KCNIP1: variants seen among roughly 807,000 people sequenced by gnomAD.
KCNIP1 encodes potassium voltage-gated channel interacting protein 1, also known as A-type potassium channel modulatory protein KCNIP1.
In KCNIP1, 18 loss-of-function variants were observed where a neutral mutation model predicts 33.0. That is an observed-to-expected ratio of 0.55 (90% CI 0.38 to 0.81). KCNIP1 has a LOEUF of 0.81. Among genes scored for constraint, KCNIP1 ranks in the 30% least tolerant of loss-of-function variants. KCNIP1 has a pLI of 0.00. For missense variants in KCNIP1, 238 were observed against 271.6 expected (o/e 0.88, Z 0.87); for synonymous variants, 93 against 98.3 (o/e 0.95, Z 0.32).
chr5:170,731,693 C>CAAAAAAA (rs1162447420), intron 5 of KCNIP1, among the ~76,000 whole-genome samples: 2 of 96,776 alleles, frequency 2.1e-5, no homozygotes, highest in Non-Finnish European at 2.1e-5. Flanking sequence ...GAACCTGTCT[C>CAAAAAAA]AAAAAAAAAA....
At chr5:170,356,503 T>G (rs1763352092) in intron 1 of KCNIP1, among the ~76,000 whole-genome samples, 1 of 152,166 alleles carries the variant, frequency 6.6e-6, no homozygotes, top group African/African-American at 2.4e-5. Flanking sequence ...TAGCCCAGAT[T>G]TCTCATCAGC....
At chr5:170,674,897 C>T (rs1323689694) in intron 1 of KCNIP1, among the ~76,000 whole-genome samples, 1 of 152,102 alleles carries the variant, frequency 6.6e-6, no homozygotes, top group Non-Finnish European at 1.5e-5. Context: ...CAAGGTGCTG[C>T]TTAAAGCACA....
At chr5:170,502,974 G>C (rs1023652315), upstream of KCNIP1, among the ~76,000 whole-genome samples, 2 of 152,180 alleles carry the variant, frequency 1.3e-5, no homozygotes, top group Admixed American at 1.3e-4. Context: ...AAGGGAAATG[G>C]CTTCCTAAAT....
chr5:170,445,302 TTGAA>T (rs58668795), intron 1 of KCNIP1, among the ~76,000 whole-genome samples: 1 of 151,782 alleles, frequency 6.6e-6, no homozygotes, highest in Non-Finnish European at 1.5e-5. Context: ...TGCTCATTCG[TTGAA>T]TGAATGAATG....
In KCNIP1 at chr5:170,554,392, G is replaced by A. The variant is rs1408446029; in HGVS notation, c.61+49759G>A. Among the ~76,000 whole-genome samples, 8 of 152,186 alleles carry A rather than the reference G, an allele frequency of 5.3e-5. No homozygotes were observed. In the East Asian group the frequency reaches 1.5e-3, roughly 29 times the overall value. On this transcript the variant is annotated intron_variant, in intron 1 of 7. Coordinates refer to ENST00000328939, the MANE Select transcript of KCNIP1 (RefSeq NM_014592.4). ...GTTTATTTTCTGGTTGTCACTCCAG[G>A]ATTTTAGTTAAGTCTTGTCTAACAT...
At chr5:170,537,205 C>T (rs559089346) in intron 1 of KCNIP1, among the ~76,000 whole-genome samples, 1 of 152,314 alleles carries the variant, frequency 6.6e-6, no homozygotes, top group East Asian at 1.9e-4. Flanking sequence ...GTAGAAGCAG[C>T]TGGCAGTGGA....
intron 1 of KCNIP1, among the ~76,000 whole-genome samples, chr5:170,706,359 C>T (rs1487619005): frequency 2.0e-5 from 3 of 152,122 alleles, no homozygotes; most frequent in Non-Finnish European, 2.9e-5. Context: ...ACCGTGCTTC[C>T]CAAAGTATGA....
intron 1 of KCNIP1, among the ~76,000 whole-genome samples, chr5:170,395,994 A>G (rs559736562): frequency 1.3e-5 from 2 of 152,350 alleles, no homozygotes; most frequent in East Asian, 1.9e-4. Context: ...CAAGTGTTCA[A>G]CCATCAGGAG....
intron 1 of KCNIP1, among the ~76,000 whole-genome samples, chr5:170,624,736 G>T (rs1425278564): frequency 5.3e-5 from 6 of 114,016 alleles, no homozygotes; most frequent in Non-Finnish European, 7.3e-5. Context: ...GGGAGGTGGG[G>T]GGGGAGAGGG....
At chr5:170,437,475 C>T (rs892001099) in intron 1 of KCNIP1, among the ~76,000 whole-genome samples, 2 of 152,248 alleles carry the variant, frequency 1.3e-5, no homozygotes, top group African/African-American at 4.8e-5. Context: ...CTTCAAATCT[C>T]TGCTCACCCC....
chr5:170,431,175 G>A (rs1457225871), intron 1 of KCNIP1, among the ~76,000 whole-genome samples: 1 of 152,224 alleles, frequency 6.6e-6, no homozygotes, highest in African/African-American at 2.4e-5. Flanking sequence ...AATTGAAGCG[G>A]GCATTAAAGT....
chr5:170,500,367 A>G (rs942953796), upstream of KCNIP1, among the ~76,000 whole-genome samples: 4 of 152,196 alleles, frequency 2.6e-5, no homozygotes, highest in African/African-American at 9.7e-5. Flanking sequence ...TCAGAGCTGG[A>G]GAAAGTGCAT....
chr5:170,684,850 T>C (rs546598058), intron 1 of KCNIP1, among the ~76,000 whole-genome samples: 3 of 152,334 alleles, frequency 2.0e-5, no homozygotes, highest in Non-Finnish European at 2.9e-5. Flanking sequence ...CAGATATAGT[T>C]ACACTTTAAA....
intron 1 of KCNIP1, among the ~76,000 whole-genome samples, chr5:170,444,683 ATATTT>A (rs1756068484): frequency 1.4e-5 from 2 of 148,034 alleles, no homozygotes; most frequent in South Asian, 4.4e-4. Context: ...TCTACAAATT[ATATTT>A]TTTCTTTTTT....
rs528425011 is a variant in KCNIP1, at chr5:170,380,476, T to A, written c.88+26512T>A. ...GCCTCGGCCACTCCCTGGATTTATA[T>A]GAGGTGCCACCCTGGAAGCTGCCTG... On this transcript the variant is annotated intron_variant, in intron 1 of 7. Coordinates refer to the KCNIP1 transcript ENST00000377360. Among the ~76,000 whole-genome samples, 119 of 152,352 alleles carry A rather than the reference T, an allele frequency of 7.8e-4. 1 individual carries two copies. The highest frequency in any genetic ancestry group is 1.9e-3 in the South Asian group (9 of 4,834).
chr5:170,503,795 T>G (rs1412404496), upstream of KCNIP1, among the ~76,000 whole-genome samples: 1 of 145,250 alleles, frequency 6.9e-6, no homozygotes, highest in Non-Finnish European at 1.5e-5. Flanking sequence ...GGGGCCAATC[T>G]ACTGCCCCCT....
intron 1 of KCNIP1, among the ~76,000 whole-genome samples, chr5:170,629,995 T>C (rs978094599): frequency 1.3e-5 from 2 of 152,154 alleles, no homozygotes; most frequent in African/African-American, 4.8e-5. Flanking sequence ...GTTGGCAACA[T>C]TGCCCATCCC....
At chr5:170,498,328 G>A (rs770138964) in intron 1 of KCNIP1, among the ~76,000 whole-genome samples, 184 of 152,238 alleles carry the variant, frequency 1.2e-3, no homozygotes, top group Non-Finnish European at 8.1e-4. Flanking sequence ...GAAATTGAGG[G>A]GCTCAAAGGT....
intron 1 of KCNIP1, among the ~76,000 whole-genome samples, chr5:170,695,488 C>A (rs1762860781): frequency 6.6e-6 from 1 of 152,234 alleles, no homozygotes; most frequent in African/African-American, 2.4e-5. Flanking sequence ...TCTAGCAACA[C>A]TGGTTAATTT....
Sources: gnomAD v4.1 joint callset for allele counts (sites outside exome capture counted in the v4.1 genomes callset) on GRCh38, gnomAD v4.1.1 for gene constraint, MANE v1.5 for transcripts, NCBI Gene and HGNC (gene_info 2026-07-23, HGNC 2026-07-21) for gene names.